Variants in MEP1A observed in about 807,000 individuals in gnomAD.
The protein encoded by MEP1A is meprin A subunit alpha, also known as N-benzoyl-L-tyrosyl-P-amino-benzoic acid hydrolase subunit alpha.
In MEP1A, 68 loss-of-function variants were observed where a neutral mutation model predicts 84.5. That is an observed-to-expected ratio of 0.80 (90% confidence interval 0.66 to 0.98). MEP1A has a LOEUF of 0.98. Among genes scored for constraint, MEP1A ranks in the 50% least tolerant of loss-of-function variants. The probability of loss-of-function intolerance (pLI) is 0.00; values close to 1 mark genes in which losing one functional copy is unlikely to be tolerated. For synonymous variants in MEP1A, 337 were observed against 336.8 expected (o/e 1.00, Z -0.01); for missense variants, 887 against 919.9 (o/e 0.96, Z 0.46).
chr6:46,798,521 T>G (rs978548359), intron 3 of MEP1A, 85 bp from the exon 4 acceptor site: 1 of 1,117,764 alleles, frequency 8.9e-7, no homozygotes, highest in Non-Finnish European at 1.3e-6. Flanking sequence ...AGATTTATAA[T>G]GGCAAATACT....
chr6:46,827,700 A>T (rs1767979443), intron 9 of MEP1A, among the ~76,000 whole-genome samples: 1 of 152,190 alleles, frequency 6.6e-6, no homozygotes, highest in Admixed American at 6.5e-5. Flanking sequence ...CACAGATCAG[A>T]TTATCAAACA....
chr6:46,797,328 G>A (rs1241563869), intron 3 of MEP1A, among the ~76,000 whole-genome samples: 1 of 152,198 alleles, frequency 6.6e-6, no homozygotes, highest in Admixed American at 6.5e-5. Flanking sequence ...CATGTCACAT[G>A]AGAGTTATGA....
intron 10 of MEP1A, 71 bp downstream of exon 10, chr6:46,829,642 C>T: frequency 4.7e-6 from 5 of 1,073,842 alleles, no homozygotes; most frequent in Non-Finnish European, 5.8e-6. Flanking sequence ...TCCTCCTTCC[C>T]TCTTTCCTCC....
At chr6:46,797,948 TTCCTTCCTTCC>T (rs1767102573) in intron 3 of MEP1A, among the ~76,000 whole-genome samples, 1 of 127,798 alleles carries the variant, frequency 7.8e-6, no homozygotes, top group African/African-American at 2.7e-5. Context: ...CCTTCCTTCC[TTCCTTCCTTCC>T]TTTTTTCTTC....
intron 7 of MEP1A, 36 bp from the exon 8 acceptor site, chr6:46,825,236 T>C: frequency 7.0e-7 from 1 of 1,428,902 alleles, no homozygotes; most frequent in Non-Finnish European, 9.7e-7. Flanking sequence ...GAAAATAACA[T>C]GACTGAGAAG....
intron 5 of MEP1A, among the ~76,000 whole-genome samples, chr6:46,804,796 A>ATCCT (rs1325387450): frequency 6.6e-6 from 1 of 151,848 alleles, no homozygotes; most frequent in African/African-American, 2.4e-5. Flanking sequence ...GAACACTGTT[A>ATCCT]TCCTTCCAGA....
At chr6:46,835,926 A>G (rs1045757823) in intron 13 of MEP1A, among the ~76,000 whole-genome samples, 1 of 152,226 alleles carries the variant, frequency 6.6e-6, no homozygotes, top group African/African-American at 2.4e-5. Context: ...TACAGATGTT[A>G]TTAGTTCCTA....
In MEP1A at chr6:46,823,347, C is replaced by T. The variant is rs543155760; in HGVS notation, c.557-1925C>T. 5.9e-5 allele frequency among the ~76,000 whole-genome samples: 9 copies of T among 152,328 alleles called. No homozygotes were observed. The East Asian group carries it at 1.7e-3, about 29-fold the overall frequency. ...CTGGATGAGGCCAGGCACGGTGGCT[C>T]ATGCCTATAATCCCAGCACTTTGAG... On this transcript the variant is annotated intron_variant, in intron 7 of 13. Transcript: ENST00000230588.
intron 3 of MEP1A, among the ~76,000 whole-genome samples, chr6:46,796,409 C>G (rs1767052650): frequency 6.6e-6 from 1 of 151,676 alleles, no homozygotes; most frequent in Non-Finnish European, 1.5e-5. Flanking sequence ...CCTGACCACT[C>G]TTTAATAAAA....
intron 6 of MEP1A, among the ~76,000 whole-genome samples, chr6:46,812,469 A>G (rs1370138096): frequency 1.3e-5 from 2 of 151,602 alleles, no homozygotes; most frequent in East Asian, 3.9e-4. Flanking sequence ...CGTTTCATTT[A>G]GTTGTGCTCT....
At chr6:46,797,359 C>G (rs1767067488) in intron 3 of MEP1A, among the ~76,000 whole-genome samples, 1 of 152,182 alleles carries the variant, frequency 6.6e-6, no homozygotes, top group Non-Finnish European at 1.5e-5. Flanking sequence ...TCTTTTAATG[C>G]TTGAGAAATT....
intron 4 of MEP1A, 110 bp downstream of exon 4, chr6:46,798,756 G>T (rs1008846789): frequency 5.6e-6 from 5 of 890,828 alleles, no homozygotes; most frequent in Non-Finnish European, 9.2e-6. Flanking sequence ...GGAGATGAGA[G>T]AAATCTCATC....
At chr6:46,808,480 G>A (rs1162148935) in intron 5 of MEP1A, among the ~76,000 whole-genome samples, 1 of 152,100 alleles carries the variant, frequency 6.6e-6, no homozygotes, top group Non-Finnish European at 1.5e-5. Context: ...AATCAAATGT[G>A]CAAGAAATGT....
chr6:46,843,965 T>C (rs1407693066), downstream of MEP1A, among the ~76,000 whole-genome samples: 1 of 152,240 alleles, frequency 6.6e-6, no homozygotes, highest in Non-Finnish European at 1.5e-5. Context: ...TGGAAGGTGC[T>C]ATAAAATGTA....
At chr6:46,833,043 A>G (rs746879699) in intron 10 of MEP1A, 31 bp from the exon 11 acceptor site, 10 of 1,282,392 alleles carry the variant, frequency 7.8e-6, no homozygotes, top group Non-Finnish European at 1.1e-5. Flanking sequence ...TGTTGGTCAC[A>G]GTTCTCACCA....
intron 9 of MEP1A, among the ~76,000 whole-genome samples, chr6:46,828,241 T>C (rs1304710572): frequency 3.3e-5 from 5 of 151,890 alleles, no homozygotes. Context: ...GCGCTGTTTT[T>C]TTTTTTTTTC....
chr6:46,813,682 A>G (rs890627472), intron 6 of MEP1A, among the ~76,000 whole-genome samples: 8 of 151,822 alleles, frequency 5.3e-5, no homozygotes, highest in Non-Finnish European at 7.4e-5. Flanking sequence ...CTATTTTGGT[A>G]TATTTTGAGG....
At chr6:46,821,195 GC>G (rs1767766265) in intron 7 of MEP1A, among the ~76,000 whole-genome samples, 1 of 152,142 alleles carries the variant, frequency 6.6e-6, no homozygotes, top group Non-Finnish European at 1.5e-5. Flanking sequence ...CTCATCCTGT[GC>G]CTTCTCAGTC....
intron 5 of MEP1A, among the ~76,000 whole-genome samples, chr6:46,809,116 GA>G (rs1370048493): frequency 6.6e-6 from 1 of 151,580 alleles, no homozygotes; most frequent in African/African-American, 2.4e-5. Flanking sequence ...GGCAAAGGGA[GA>G]AAGTGTGGAA....
Sources: gnomAD v4.1 joint callset for allele counts (sites outside exome capture counted in the v4.1 genomes callset) on GRCh38, gnomAD v4.1.1 for gene constraint, MANE v1.5 for transcripts, NCBI Gene and HGNC (gene_info 2026-07-23, HGNC 2026-07-21) for gene names.